The following THRAP3 variants were observed in gnomAD, a reference collection of about 807,000 sequenced individuals.
THRAP3 encodes thyroid hormone receptor-associated protein 3.
A neutral mutation model predicts 101.0 loss-of-function variants in THRAP3; 16 were observed. The observed-to-expected ratio is 0.16, with a 90% CI of 0.11 to 0.24. The LOEUF (loss-of-function observed/expected upper bound fraction) is 0.24, where lower values mean the gene tolerates loss of function less well. Ranked by LOEUF, THRAP3 falls within the 10% of genes least tolerant of loss-of-function variation. The probability of loss-of-function intolerance (pLI) is 1.00; values close to 1 mark genes in which losing one functional copy is unlikely to be tolerated. For missense variants in THRAP3, 989 were observed against 1,202.7 expected (o/e 0.82, Z 2.63); for synonymous variants, 407 against 422.6 (o/e 0.96, Z 0.45).
chr1:36,278,060 C>T (rs1253744466), intron 2 of THRAP3, among the ~76,000 whole-genome samples: 7 of 140,082 alleles, frequency 5.0e-5, no homozygotes, highest in African/African-American at 2.0e-4. Flanking sequence ...AGCCCAGCCC[C>T]CCTTTTTTTT....
At chr1:36,252,945 TATATATATATATATATATATATATAA>T (rs1463588512) in intron 1 of THRAP3, among the ~76,000 whole-genome samples, 1 of 115,298 alleles carries the variant, frequency 8.7e-6, no homozygotes. Context: ...TATATATATA[TATATATATATATATATATATATATAA>T]ATGTAAATAA....
rs545747168 is a variant in THRAP3 at position 36,282,453 on chromosome 1, A to G, written c.-31-80A>G. 19 of 1,079,884 alleles carry G rather than the reference A, an allele frequency of 1.8e-5. No homozygotes were observed. The African/African-American group carries it at 2.1e-4, about 12-fold the overall frequency. The allele number at this position is 1,079,884 out of a possible 1,614,324, so 66.9% of individuals were successfully genotyped here. A position where few individuals can be genotyped will look rare whatever the true frequency, so the allele number is the denominator to read the frequency against. On this transcript the variant is annotated intron_variant, in intron 2 of 11. Transcript: ENST00000354618. ...TCTCAAGTTGCCCAGATTAAAAGAA[A>G]TGTGTTTCTAAAATGTCCAAAGAGG... is the stretch of plus-strand genomic sequence containing the variant.
At chr1:36,257,887 C>T (rs551045203) in intron 1 of THRAP3, among the ~76,000 whole-genome samples, 1 of 152,334 alleles carries the variant, frequency 6.6e-6, no homozygotes, top group Admixed American at 6.5e-5. Flanking sequence ...GTCACCCACG[C>T]TGGAGTGCAA....
At chr1:36,251,599 C>T (rs1489207549) in intron 1 of THRAP3, among the ~76,000 whole-genome samples, 2 of 152,188 alleles carry the variant, frequency 1.3e-5, no homozygotes, top group Non-Finnish European at 2.9e-5. Context: ...GAATTAGTGT[C>T]TTATGTTCCG....
At chr1:36,224,269 C>G (rs1324981046), upstream of THRAP3, 1 of 152,310 alleles carries the variant, frequency 6.6e-6, no homozygotes, top group African/African-American at 2.4e-5. Context: ...GACAACCGAG[C>G]GCGTGACGCA....
At chr1:36,288,587 A>C in intron 4 of THRAP3, 1 of 985,428 alleles carries the variant, frequency 1.0e-6, no homozygotes, top group Non-Finnish European at 1.2e-6. Context: ...ACTTGAAGCA[A>C]ATTTGAAGTC....
At chr1:36,248,343 G>C (rs1645256548) in intron 1 of THRAP3, among the ~76,000 whole-genome samples, 1 of 151,574 alleles carries the variant, frequency 6.6e-6, no homozygotes, top group Non-Finnish European at 1.5e-5. Flanking sequence ...GTCTTGGTTT[G>C]TTGTCCAGGC....
At chr1:36,281,447 G>A (rs1279495390) in intron 2 of THRAP3, among the ~76,000 whole-genome samples, 1 of 152,198 alleles carries the variant, frequency 6.6e-6, no homozygotes, top group African/African-American at 2.4e-5. Flanking sequence ...ATCTCTTACA[G>A]TATTACCCAG....
At chr1:36,223,760 CAGA>C (rs1445440246), upstream of THRAP3, among the ~76,000 whole-genome samples, 1 of 151,962 alleles carries the variant, frequency 6.6e-6, no homozygotes, top group African/African-American at 2.4e-5. Flanking sequence ...GGACGACAGT[CAGA>C]AAATCATAGT....
intron 2 of THRAP3, among the ~76,000 whole-genome samples, chr1:36,276,818 C>T (rs1463949628): frequency 6.6e-6 from 1 of 152,126 alleles, no homozygotes; most frequent in Non-Finnish European, 1.5e-5. Flanking sequence ...GATCACGCCA[C>T]TGCACTCTAG....
intron 1 of THRAP3, among the ~76,000 whole-genome samples, chr1:36,232,504 A>G (rs957776174): frequency 2.3e-4 from 35 of 152,152 alleles, no homozygotes; most frequent in African/African-American, 8.2e-4. Flanking sequence ...ATGACATGAT[A>G]TTTATTTTTA....
chr1:36,270,064 T>C (rs1291769008), intron 2 of THRAP3, among the ~76,000 whole-genome samples: 1 of 152,164 alleles, frequency 6.6e-6, no homozygotes, highest in East Asian at 1.9e-4. Flanking sequence ...TTCTTTCTAC[T>C]TTTGTGTATG....
intron 1 of THRAP3, among the ~76,000 whole-genome samples, chr1:36,229,245 C>G (rs1178746331): frequency 1.3e-5 from 2 of 151,812 alleles, no homozygotes; most frequent in Non-Finnish European, 2.9e-5. Flanking sequence ...CTACAGGTGC[C>G]CGCCACCACA....
At chr1:36,298,096 G>A (rs917229141) in intron 9 of THRAP3, among the ~76,000 whole-genome samples, 7 of 142,600 alleles carry the variant, frequency 4.9e-5, no homozygotes, top group Non-Finnish European at 9.0e-5. Flanking sequence ...GCACTGAGCC[G>A]AGTTCTCAGC....
chr1:36,212,250 T>C, the THRAP3 span, among the ~76,000 whole-genome samples: 7 of 152,100 alleles, frequency 4.6e-5, no homozygotes, highest in Non-Finnish European at 8.8e-5. Context: ...TCCTCAGTGG[T>C]TCAGCCACGG....
chr1:36,210,314 G>A, the THRAP3 span, among the ~76,000 whole-genome samples: 10 of 149,698 alleles, frequency 6.7e-5, no homozygotes, highest in African/African-American at 2.2e-4. Flanking sequence ...TGCAGTGAGC[G>A]GAGATAGCGC....
chr1:36,239,998 G>A (rs1430386148), intron 1 of THRAP3, among the ~76,000 whole-genome samples: 4 of 152,046 alleles, frequency 2.6e-5, no homozygotes. Context: ...TTCACGTAAA[G>A]GCATGGTTTG....
intron 10 of THRAP3, 90 bp downstream of exon 10, chr1:36,301,174 T>A: frequency 7.7e-7 from 1 of 1,305,068 alleles, no homozygotes; most frequent in Non-Finnish European, 1.1e-6. Flanking sequence ...TTGTTGCCTT[T>A]GACATAAGTA....
At chr1:36,249,194 T>G (rs1234954093) in intron 1 of THRAP3, among the ~76,000 whole-genome samples, 4 of 21,206 alleles carry the variant, frequency 1.9e-4, no homozygotes, top group Non-Finnish European at 3.5e-4. Context: ...GCACAGTCCC[T>G]TTTTTTTTTT....
Sources: gnomAD v4.1 joint callset for allele counts (sites outside exome capture counted in the v4.1 genomes callset) on GRCh38, gnomAD v4.1.1 for gene constraint, MANE v1.5 for transcripts, NCBI Gene and HGNC (gene_info 2026-07-23, HGNC 2026-07-21) for gene names.